STK38: variants seen among roughly 807,000 people sequenced by gnomAD.
STK38 encodes serine/threonine-protein kinase 38.
In STK38, 26 loss-of-function variants were observed where a neutral mutation model predicts 59.0. The ratio of observed to expected loss-of-function variants is 0.44; its 90% confidence interval spans 0.32 to 0.61. STK38 has a LOEUF of 0.61. Among genes scored for constraint, STK38 ranks in the 20% least tolerant of loss-of-function variants. The probability of loss-of-function intolerance (pLI) is 0.04; values close to 1 mark genes in which losing one functional copy is unlikely to be tolerated. For synonymous variants in STK38, 175 were observed against 176.6 expected (o/e 0.99, Z 0.07); for missense variants, 433 against 566.0 (o/e 0.76, Z 2.38).
chr6:36,538,629 C>T (rs930235985), intron 2 of STK38, among the ~76,000 whole-genome samples: 3 of 152,070 alleles, frequency 2.0e-5, no homozygotes, highest in Non-Finnish European at 2.9e-5. Flanking sequence ...ATGGATTGGC[C>T]GGGCACAGTG....
At chr6:36,518,495 C>T (rs1777307209) in intron 5 of STK38, among the ~76,000 whole-genome samples, 1 of 152,132 alleles carries the variant, frequency 6.6e-6, no homozygotes, top group South Asian at 2.1e-4. Context: ...TCAAATTTAC[C>T]TTATTTACTT....
chr6:36,525,845 G>T (rs1777497403), intron 2 of STK38, among the ~76,000 whole-genome samples: 1 of 151,532 alleles, frequency 6.6e-6, no homozygotes, highest in Non-Finnish European at 1.5e-5. Flanking sequence ...TTTTTGGCGG[G>T]GGGAGGGGGG....
rs370328632 is a variant in STK38, at chr6:36,515,306, G to A, written c.669+32C>T. On this transcript the variant is annotated intron_variant, in intron 7 of 13. Transcript: ENST00000229812. ...GCAGAGGCTGCTCAGATCAGTAAAC[G>A]TGCATAGTTCATGCCAATGCCCCCC... 2.3e-4 allele frequency: 378 copies of A among 1,608,836 alleles called. 1 individual carries two copies. In the African/African-American group the frequency reaches 3.7e-3, roughly 16 times the overall value.
chr6:36,502,293 C>T (rs1163170269), intron 9 of STK38, among the ~76,000 whole-genome samples: 1 of 152,142 alleles, frequency 6.6e-6, no homozygotes, highest in East Asian at 1.9e-4. Context: ...TAGGGATGTG[C>T]CAGCATGGCT....
chr6:36,499,212 A>G (rs1776779596), intron 10 of STK38, among the ~76,000 whole-genome samples: 1 of 152,242 alleles, frequency 6.6e-6, no homozygotes. Flanking sequence ...ATAAGAAAAA[A>G]GCATAGATTT....
intron 5 of STK38, among the ~76,000 whole-genome samples, chr6:36,518,768 C>G (rs1582432736): frequency 6.6e-6 from 1 of 152,136 alleles, no homozygotes; most frequent in East Asian, 1.9e-4. Context: ...TGGGTTGATT[C>G]AGATCTAAAT....
chr6:36,511,354 T>C (rs896188512), intron 7 of STK38, among the ~76,000 whole-genome samples: 24 of 152,050 alleles, frequency 1.6e-4, no homozygotes, highest in Non-Finnish European at 3.2e-4. Flanking sequence ...TATCTTTTTT[T>C]TTTTTCTTCT....
rs1178349183 is a variant in STK38, at chr6:36,525,625, T to G, written c.149A>C (p.Lys50Thr). 6.2e-7 allele frequency: 1 copy of G among 1,613,216 alleles called. No homozygotes were observed. The highest frequency in any genetic ancestry group is 1.1e-5 in the South Asian group (1 of 91,036). Residue 50 changes from lysine to threonine, a missense_variant, in exon 3 of 14, where the codon AAG (lysine) becomes ACG (threonine). Physicochemically the swap from Lys to Thr is moderately conservative, Grantham distance 78. This residue lies in a region of STK38 where 293 missense variants were observed against 388.2 expected (regional missense o/e 0.75). Transcript: ENST00000229812. The stretch of plus-strand genomic sequence containing the variant: ...TTTTAGGCCTTCTTCTTCCATCACC[T>G]TTTCTAACTTCTTTTGTCTAAAACA... ...EREMRQKKLE[K>T]VMEEEGLKDE...
In STK38 at chr6:36,533,490, C is replaced by A. The variant is rs193245620; in HGVS notation, c.131+6582G>T. Among the ~76,000 whole-genome samples the A allele has an allele frequency of 3.7e-3, 557 of 152,306 alleles. 1 individual carries two copies. Among genetic ancestry groups the A allele is most frequent in the Middle Eastern group, 6.8e-3 (2 of 294 alleles). ...GTTTATTTTTATATAACCCTCACTG[C>A]TTCTGGAACCACTGAAACTTTTAGA... On this transcript the variant is annotated intron_variant, in intron 2 of 13. Coordinates refer to ENST00000229812, the MANE Select transcript of STK38 (RefSeq NM_007271.4).
At chr6:36,517,603 T>C (rs1183157479) in intron 6 of STK38, 114 bp downstream of exon 6, 4 of 1,423,404 alleles carry the variant, frequency 2.8e-6, no homozygotes, top group Non-Finnish European at 2.8e-6. Flanking sequence ...AAAAAGGATA[T>C]AGAAAGCAAC....
intron 1 of STK38, among the ~76,000 whole-genome samples, chr6:36,540,935 G>A (rs1479486417): frequency 1.3e-5 from 2 of 151,568 alleles, no homozygotes; most frequent in Non-Finnish European, 2.9e-5. Flanking sequence ...GTCTCGCTCT[G>A]TCGCCCAGGC....
At chr6:36,540,636 T>C (rs1777912121) in intron 1 of STK38, among the ~76,000 whole-genome samples, 1 of 152,206 alleles carries the variant, frequency 6.6e-6, no homozygotes, top group Non-Finnish European at 1.5e-5. Flanking sequence ...ATCTTTTTTT[T>C]TCTTTTTGAG....
intron 2 of STK38, among the ~76,000 whole-genome samples, chr6:36,533,768 T>TA (rs1223636202): frequency 1.3e-5 from 2 of 152,196 alleles, no homozygotes; most frequent in Non-Finnish European, 2.9e-5. Flanking sequence ...GCTTTATAAT[T>TA]ACAACCCCAG....
chr6:36,533,333 T>A (rs1777714939), intron 2 of STK38, among the ~76,000 whole-genome samples: 2 of 152,066 alleles, frequency 1.3e-5, no homozygotes, highest in Admixed American at 1.3e-4. Flanking sequence ...TAATGAAAAA[T>A]AATGGCAATT....
At chr6:36,520,419 A>G (rs138258209) in intron 5 of STK38, among the ~76,000 whole-genome samples, 113 of 152,338 alleles carry the variant, frequency 7.4e-4, no homozygotes, top group Middle Eastern at 6.8e-3. Flanking sequence ...ACTGAAAATC[A>G]TATGTACTTT....
chr6:36,496,901 G>A (rs759449933), intron 12 of STK38, 96 bp from the exon 13 acceptor site: 13 of 821,596 alleles, frequency 1.6e-5, no homozygotes, highest in East Asian at 2.8e-5. Flanking sequence ...GGTCTGACAT[G>A]AGAAGACTCT....
rs146386673 is a variant in STK38 at position 36,546,817 on chromosome 6, A to G, written c.-6+373T>C. On this transcript the variant is annotated intron_variant, in intron 1 of 13. Transcript: ENST00000229812. ...ACCACAGTTCACAGACCCCAGAAGA[A>G]GGAAAAGGAGATAAAAACCGGTGAT... Among the ~76,000 whole-genome samples, 891 of 152,314 alleles carry G rather than the reference A, an allele frequency of 5.8e-3. 9 individuals are homozygous for G. Among genetic ancestry groups the G allele is most frequent in the African/African-American group, 0.021 (856 of 41,572 alleles).
At chr6:36,534,123 T>C (rs905768271) in intron 2 of STK38, among the ~76,000 whole-genome samples, 9 of 152,158 alleles carry the variant, frequency 5.9e-5, no homozygotes, top group African/African-American at 2.2e-4. Context: ...AAGAGGGTTT[T>C]ACCCCTGAAA....
At chr6:36,521,424 C>T (rs937958851) in intron 5 of STK38, among the ~76,000 whole-genome samples, 3 of 151,878 alleles carry the variant, frequency 2.0e-5, no homozygotes, top group African/African-American at 7.3e-5. Context: ...TACCACACCA[C>T]GTACGACCTC....
Sources: gnomAD v4.1 joint callset for allele counts (sites outside exome capture counted in the v4.1 genomes callset) on GRCh38, gnomAD v4.1.1 for gene constraint, gnomAD v4.1.1 regional missense constraint, MANE v1.5 for transcripts, NCBI Gene and HGNC (gene_info 2026-07-23, HGNC 2026-07-21) for gene names.